Variants in RBFOX1 observed in about 807,000 individuals in gnomAD.
RBFOX1 encodes RNA binding protein fox-1 homolog 1.
Under a neutral mutation model 57.7 loss-of-function variants are expected in RBFOX1, and 8 were observed. That is an observed-to-expected ratio of 0.14 (90% CI 0.08 to 0.25). The LOEUF (loss-of-function observed/expected upper bound fraction) is 0.25, where lower values mean the gene tolerates loss of function less well. Among genes scored for constraint, RBFOX1 ranks in the 10% least tolerant of loss-of-function variants. The pLI is 1.00. For missense variants in RBFOX1, 611 were observed against 548.5 expected (o/e 1.11, Z -1.14); for synonymous variants, 326 against 222.4 (o/e 1.47, Z -4.15).
At chr16:6,962,550 G>T in intron 3 of RBFOX1, among the ~76,000 whole-genome samples, 1 of 151,898 alleles carries the variant, frequency 6.6e-6, no homozygotes, top group East Asian at 1.9e-4. Context: ...GCACCTTAAA[G>T]TTCATTCAAT....
At chr16:6,501,296 C>G (rs2095915861) in intron 2 of RBFOX1, among the ~76,000 whole-genome samples, 1 of 122,062 alleles carries the variant, frequency 8.2e-6, no homozygotes, top group Admixed American at 8.5e-5. Flanking sequence ...CCCCCTCCCC[C>G]CACCCCACAA....
chr16:6,193,392 C>CTATATATATATATATA (rs55707901), intron 1 of RBFOX1, among the ~76,000 whole-genome samples: 13 of 43,206 alleles, frequency 3.0e-4, no homozygotes, highest in African/African-American at 5.8e-4. Context: ...TATATATATA[C>CTATATATATATATATA]TATATATATA....
At chr16:5,369,445 A>G (rs2065805544) in intron 1 of RBFOX1, among the ~76,000 whole-genome samples, 1 of 152,190 alleles carries the variant, frequency 6.6e-6, no homozygotes, top group South Asian at 2.1e-4. Context: ...GCATTTGCAA[A>G]AGACCTGCTC....
chr16:5,620,421 TG>T (rs2151279609), intron 3 of RBFOX1, among the ~76,000 whole-genome samples: 1 of 152,284 alleles, frequency 6.6e-6, no homozygotes, highest in East Asian at 1.9e-4. Context: ...GTTGGTTGGC[TG>T]GGGCTGCCAT....
intron 2 of RBFOX1, among the ~76,000 whole-genome samples, chr16:5,469,644 G>A (rs997055275): frequency 2.0e-5 from 3 of 151,966 alleles, no homozygotes; most frequent in South Asian, 2.1e-4. Flanking sequence ...GAGACCCTGC[G>A]ACCATTAAGC....
chr16:6,834,164 C>T (rs562832517), intron 3 of RBFOX1, among the ~76,000 whole-genome samples: 10 of 152,160 alleles, frequency 6.6e-5, no homozygotes, highest in African/African-American at 2.4e-4. Context: ...ACCTCCGCCT[C>T]CCCAGTTCAA....
At chr16:5,541,261 C>G (rs1320728562) in intron 2 of RBFOX1, among the ~76,000 whole-genome samples, 1 of 151,998 alleles carries the variant, frequency 6.6e-6, no homozygotes, top group Non-Finnish European at 1.5e-5. Context: ...TGCTCTAATG[C>G]TTTGTATTGT....
intron 1 of RBFOX1, among the ~76,000 whole-genome samples, chr16:6,209,917 T>C (rs572934931): frequency 1.1e-3 from 169 of 152,346 alleles, no homozygotes; most frequent in African/African-American, 4.0e-3. Flanking sequence ...TCTGCTGCTA[T>C]TATTGGTGAC....
intron 1 of RBFOX1, among the ~76,000 whole-genome samples, chr16:5,393,364 C>T (rs766283963): frequency 6.6e-6 from 1 of 152,216 alleles, no homozygotes; most frequent in Non-Finnish European, 1.5e-5. Flanking sequence ...CGTGTCCAGG[C>T]AGCCCTGCCT....
intron 3 of RBFOX1, among the ~76,000 whole-genome samples, chr16:6,808,490 G>C (rs1199545325): frequency 6.6e-6 from 1 of 152,034 alleles, no homozygotes; most frequent in Non-Finnish European, 1.5e-5. Flanking sequence ...CTCTCAGATG[G>C]AAAATAAAAC....
chr16:7,000,098 AG>A (rs1482061053), intron 3 of RBFOX1, among the ~76,000 whole-genome samples: 1 of 151,844 alleles, frequency 6.6e-6, no homozygotes, highest in Non-Finnish European at 1.5e-5. Flanking sequence ...AGATTATTTA[AG>A]TAGGTGTCCA....
chr16:6,477,436 C>G (rs969347955), intron 2 of RBFOX1, among the ~76,000 whole-genome samples: 4 of 152,186 alleles, frequency 2.6e-5, no homozygotes, highest in Non-Finnish European at 5.9e-5. Context: ...TCAGAGCTTT[C>G]CGGTGACCAG....
At chr16:5,999,424 C>T (rs2060548000) in intron 4 of RBFOX1, among the ~76,000 whole-genome samples, 1 of 152,198 alleles carries the variant, frequency 6.6e-6, no homozygotes, top group African/African-American at 2.4e-5. Flanking sequence ...CTTGTAAATA[C>T]TTATTTGCAG....
chr16:6,035,867 T>C (rs796797987), intron 1 of RBFOX1, among the ~76,000 whole-genome samples: 3 of 152,322 alleles, frequency 2.0e-5, no homozygotes, highest in African/African-American at 7.2e-5. Flanking sequence ...TATTAGCTTA[T>C]TTTTCAGTTA....
chr16:6,910,093 C>A (rs1300141496), intron 3 of RBFOX1, among the ~76,000 whole-genome samples: 1 of 152,062 alleles, frequency 6.6e-6, no homozygotes, highest in Non-Finnish European at 1.5e-5. Context: ...ACGTCCCACC[C>A]TGGACCACGG....
chr16:5,284,756 A>AATTTTTTTTTTTT (rs1303967371), intron 1 of RBFOX1, among the ~76,000 whole-genome samples: 4 of 61,030 alleles, frequency 6.6e-5, no homozygotes, highest in Non-Finnish European at 8.9e-5. Flanking sequence ...TTTGGCTTAG[A>AATTTTTTTTTTTT]TTTTTTTTTT....
At chr16:6,153,848 T>C (rs2096819685) in intron 1 of RBFOX1, among the ~76,000 whole-genome samples, 1 of 152,220 alleles carries the variant, frequency 6.6e-6, no homozygotes, top group Non-Finnish European at 1.5e-5. Context: ...TTATATCATC[T>C]TAGGCTTCGC....
At chr16:6,974,463 G>A (rs529912181) in intron 3 of RBFOX1, among the ~76,000 whole-genome samples, 1 of 143,366 alleles carries the variant, frequency 7.0e-6, no homozygotes, top group Non-Finnish European at 1.5e-5. Flanking sequence ...TCCTGCCTCA[G>A]CCTCCCAAGT....
At position 7,569,008 on chromosome 16, in the gene RBFOX1, C is replaced by G. The variant is rs976880772; in HGVS notation, c.271-10769C>G. ...GTTGCTTTCATTCTCCTGCCTCTGA[C>G]AATTACGGTCATTGTCCTAGGGAAG... On this transcript the variant is annotated intron_variant, in intron 5 of 15. Transcript: ENST00000550418. Among the ~76,000 whole-genome samples, 5 of 151,504 alleles carry G rather than the reference C, an allele frequency of 3.3e-5. No homozygotes were observed. The South Asian group carries it at 1.0e-3, about 32-fold the overall frequency.
Sources: gnomAD v4.1 joint callset for allele counts (sites outside exome capture counted in the v4.1 genomes callset) on GRCh38, gnomAD v4.1.1 for gene constraint, MANE v1.5 for transcripts, NCBI Gene and HGNC (gene_info 2026-07-23, HGNC 2026-07-21) for gene names.